The following HEATR5B variants were observed in gnomAD, a reference collection of about 807,000 sequenced individuals.
HEATR5B encodes HEAT repeat-containing protein 5B.
In HEATR5B, 156 loss-of-function variants were observed where a neutral mutation model predicts 224.1. The ratio of observed to expected loss-of-function variants is 0.70; its 90% CI spans 0.61 to 0.80. HEATR5B has a LOEUF of 0.80. HEATR5B is among the 30% of genes least tolerant of loss of function. The pLI is 0.00. For synonymous variants in HEATR5B, 1,027 were observed against 893.0 expected, an observed-to-expected ratio of 1.15 and a Z score of -2.68; for missense variants, 2,323 against 2,535.5, an observed-to-expected ratio of 0.92 and a Z score of 1.80.
chr2:37,010,910 A>C (rs911889293), intron 27 of HEATR5B, among the ~76,000 whole-genome samples: 5 of 141,184 alleles, frequency 3.5e-5, no homozygotes, highest in Non-Finnish European at 7.7e-5. Context: ...GACTGGAAGC[A>C]AAAAAAAAAA....
Position 37,056,563 on chromosome 2 carries a change from G to C in HEATR5B, c.2276C>G (p.Ser759Cys). 2 of 1,613,376 alleles carry C rather than the reference G, an allele frequency of 1.2e-6. No individual in the cohort carries two copies. The highest frequency in any genetic ancestry group is 1.7e-6 in the Non-Finnish European group (2 of 1,179,598). Residue 759 changes from serine (S) to cysteine (C), a missense_variant, in exon 16 of 36, where the codon TCT (serine) becomes TGT (cysteine). This residue lies in a region of HEATR5B where 170 missense variants were observed against 216.7 expected (regional missense o/e 0.78). Coordinates refer to ENST00000233099, the MANE Select transcript of HEATR5B (RefSeq NM_019024.3). ...TCCAGCAGGTATGCGTAAATAAATA[G>C]AGGAAGGATCATGCTCCAGAGCCCC... ...GSGALEHDPS[S>C]IYLRIPAGEA...
chr2:37,041,887 A>T (rs1669895663), intron 18 of HEATR5B, among the ~76,000 whole-genome samples: 1 of 151,762 alleles, frequency 6.6e-6, no homozygotes, highest in African/African-American at 2.4e-5. Flanking sequence ...CTTATTTGAA[A>T]TATTTTTATA....
At position 37,037,145 on chromosome 2, in the gene HEATR5B, G is replaced by GATAGATATATATATATATATATATATAT. The variant is rs1669536224; in HGVS notation, c.3216+709_3216+710insATATATATATATATATATATATATCTAT. Among the ~76,000 whole-genome samples the GATAGATATATATATATATATATATATAT allele has an allele frequency of 6.7e-5, 6 of 89,196 alleles. No homozygotes were observed. The East Asian group carries it at 2.6e-3, about 38-fold the overall frequency. 58.5% of individuals were successfully genotyped at this position (89,196 alleles called of 152,430 possible). On this transcript the variant is annotated intron_variant, in intron 21 of 35. Coordinates refer to ENST00000233099, the MANE Select transcript of HEATR5B (RefSeq NM_019024.3). ...TTCCGAGTAGGAAAACTAAAAATGT[G>GATAGATATATATATATATATATATATAT]ATATATATATATATTTTGGAGATGG...
At chr2:37,082,006 T>C (rs367739116) in intron 2 of HEATR5B, among the ~76,000 whole-genome samples, 9 of 148,162 alleles carry the variant, frequency 6.1e-5, no homozygotes, top group African/African-American at 2.2e-4. Flanking sequence ...ACTTTTAAAT[T>C]TGATCAGGCA....
intron 17 of HEATR5B, among the ~76,000 whole-genome samples, chr2:37,051,354 CAAAAAAAAAAAAAA>C (rs11313174): frequency 3.0e-5 from 2 of 66,040 alleles, no homozygotes; most frequent in East Asian, 6.2e-4. Flanking sequence ...AACTCCATCT[CAAAAAAAAAAAAAA>C]AAAAAAAAAA....
At chr2:37,076,855 G>A (rs1672268575) in intron 4 of HEATR5B, 56 bp downstream of exon 4, 3 of 1,279,466 alleles carry the variant, frequency 2.3e-6, no homozygotes, top group Non-Finnish European at 2.3e-6. Flanking sequence ...TATTTTAGCT[G>A]ACATCTAACT....
intron 28 of HEATR5B, 141 bp from the exon 29 acceptor site, chr2:37,007,445 G>C: frequency 1.1e-6 from 1 of 887,760 alleles, no homozygotes; most frequent in Non-Finnish European, 1.6e-6. Context: ...CTGGGTTCAA[G>C]CAATTCTCCT....
chr2:37,011,609 T>C (rs781139355), intron 27 of HEATR5B, among the ~76,000 whole-genome samples: 3 of 152,236 alleles, frequency 2.0e-5, no homozygotes, highest in Middle Eastern at 3.2e-3. Context: ...CTGATAAACA[T>C]GTCATAGGGT....
intron 26 of HEATR5B, among the ~76,000 whole-genome samples, chr2:37,018,512 T>C (rs1668265121): frequency 6.6e-6 from 1 of 152,236 alleles, no homozygotes; most frequent in African/African-American, 2.4e-5. Context: ...AAAGAGTTAA[T>C]TTCTCTGAAG....
At chr2:37,048,893 C>T (rs1670364046) in intron 18 of HEATR5B, among the ~76,000 whole-genome samples, 2 of 152,200 alleles carry the variant, frequency 1.3e-5, no homozygotes, top group Admixed American at 6.5e-5. Flanking sequence ...TTCAGAACTA[C>T]TACTTCATAG....
At chr2:37,020,859 A>G (rs1668418193) in intron 24 of HEATR5B, 23 bp from the exon 25 acceptor site, 1 of 1,394,410 alleles carries the variant, frequency 7.2e-7, no homozygotes, top group Non-Finnish European at 9.5e-7. Context: ...ATAGAATGCA[A>G]AAATGAAAAC....
chr2:37,070,101 TGTTA>T, intron 7 of HEATR5B, 125 bp downstream of exon 7: 1 of 792,746 alleles, frequency 1.3e-6, no homozygotes, highest in Non-Finnish European at 2.1e-6. Flanking sequence ...GGTTTCACCA[TGTTA>T]GTCAGGCTGG....
At chr2:36,988,265 T>TC (rs983157346) in intron 35 of HEATR5B, among the ~76,000 whole-genome samples, 9 of 151,808 alleles carry the variant, frequency 5.9e-5, no homozygotes, top group Admixed American at 5.3e-4. Flanking sequence ...TGGTTTTTTT[T>TC]CTTTTCTTTT....
In HEATR5B at chr2:37,064,878, T is replaced by C. The variant is rs770017762; in HGVS notation, c.1446A>G (p.Pro482=). Residue 482 remains proline, a synonymous_variant, in exon 10 of 36, where the codon CCA becomes CCG. Coordinates refer to ENST00000233099, the MANE Select transcript of HEATR5B (RefSeq NM_019024.3). ...GCCGTTCTGCACACCTGTCTAGAAA[T>C]GGTGTCAGCTGGAAAGGTAATGCCA... ...VAVALPFQLT[P]FLDRCAERLN... is the part of the protein sequence containing the mutation. 2.7e-5 allele frequency: 44 copies of C among 1,614,000 alleles called. No homozygotes were observed. Among genetic ancestry groups the C allele is most frequent in the East Asian group, 4.5e-5 (2 of 44,888 alleles).
rs1450720418 is a variant in HEATR5B, at chr2:37,028,045, C to T, written c.3731G>A (p.Arg1244His). ...EDKSKPFVAP[R>H]WATRVFAADC... ...GGCAGCAAATACTCGAGTGGCCCAG[C>T]GAGGGGCCACAAAGGGCTTTGATTT... Residue 1244 changes from arginine (R) to histidine (H), a missense_variant, in exon 24 of 36, where the codon CGC becomes CAC. By Grantham distance (29) the Arg-to-His change is conservative (BLOSUM62 0). Around this residue, in one of 12 missense-constraint regions of HEATR5B, gnomAD observed 339 missense variants for 378.4 expected, o/e 0.90. Transcript: ENST00000233099. The T allele has an allele frequency of 3.7e-6, 6 of 1,613,994 alleles. No individual in the cohort carries two copies. Among genetic ancestry groups the T allele is most frequent in the East Asian group, 2.2e-5 (1 of 44,904 alleles).
intron 33 of HEATR5B, among the ~76,000 whole-genome samples, chr2:36,997,281 C>T (rs80021930): frequency 0.03 from 4,493 of 152,016 alleles, 98 homozygotes; most frequent in East Asian, 0.12. Context: ...ATTTCTCGAA[C>T]TCAAGTGATC....
intron 10 of HEATR5B, among the ~76,000 whole-genome samples, chr2:37,063,116 T>C (rs1385626034): frequency 2.0e-5 from 3 of 152,174 alleles, no homozygotes; most frequent in African/African-American, 7.2e-5. Context: ...AGCTCAATGG[T>C]AGATGCATAA....
At chr2:36,999,065 T>A (rs1468241172) in intron 33 of HEATR5B, among the ~76,000 whole-genome samples, 1 of 151,234 alleles carries the variant, frequency 6.6e-6, no homozygotes, top group African/African-American at 2.4e-5. Flanking sequence ...ATACAAAAAT[T>A]AGCTGGGCGT....
At chr2:37,055,622 C>T (rs1197613610) in intron 16 of HEATR5B, among the ~76,000 whole-genome samples, 1 of 152,138 alleles carries the variant, frequency 6.6e-6, no homozygotes, top group Admixed American at 6.5e-5. Flanking sequence ...ATATTAAAGA[C>T]ATTTTTTATT....
Sources: gnomAD v4.1 joint callset for allele counts (sites outside exome capture counted in the v4.1 genomes callset) on GRCh38, gnomAD v4.1.1 for gene constraint, gnomAD v4.1.1 regional missense constraint, MANE v1.5 for transcripts, NCBI Gene and HGNC (gene_info 2026-07-23, HGNC 2026-07-21) for gene names.